The following NTN1 variants were observed in gnomAD, a reference collection of about 807,000 sequenced individuals.
NTN1 encodes the protein netrin 1, also known as netrin-1.
Under a neutral mutation model 54.2 loss-of-function variants are expected in NTN1, and 11 were observed. That is an observed-to-expected ratio of 0.20 (90% confidence interval 0.13 to 0.34). The LOEUF (loss-of-function observed/expected upper bound fraction) is 0.34. NTN1 is among the 10% of genes least tolerant of loss of function. NTN1 has a pLI of 1.00. For missense variants in NTN1, 740 were observed against 893.1 expected (o/e 0.83, Z 2.18); for synonymous variants, 371 against 382.0 (o/e 0.97, Z 0.33).
intron 3 of NTN1, among the ~76,000 whole-genome samples, chr17:9,167,710 A>C (rs549783077): frequency 6.6e-6 from 1 of 152,288 alleles, no homozygotes; most frequent in Non-Finnish European, 1.5e-5. Context: ...TCCACCCCTT[A>C]TTTCTTTCAG....
chr17:9,230,163 G>C (rs1905757593), intron 6 of NTN1, among the ~76,000 whole-genome samples: 1 of 152,184 alleles, frequency 6.6e-6, no homozygotes, highest in African/African-American at 2.4e-5. Context: ...AGCTGGACAG[G>C]TTATCAGCCC....
intron 5 of NTN1, among the ~76,000 whole-genome samples, chr17:9,210,960 G>A (rs1454604017): frequency 1.6e-5 from 2 of 123,782 alleles, no homozygotes; most frequent in African/African-American, 6.1e-5. Context: ...ACTATTTTTA[G>A]TGTTTCTTTC....
At chr17:9,235,129 A>T (rs1316478301) in intron 6 of NTN1, among the ~76,000 whole-genome samples, 2 of 151,562 alleles carry the variant, frequency 1.3e-5, no homozygotes. Flanking sequence ...TGCCTGGCTA[A>T]TTTTTTTGTA....
chr17:9,152,438 G>A (rs7225326), intron 2 of NTN1, among the ~76,000 whole-genome samples: 287 of 152,298 alleles, frequency 1.9e-3, no homozygotes, highest in African/African-American at 6.4e-3. Flanking sequence ...ACGCCCCTCT[G>A]ATGGTTCCCC....
At chr17:9,175,149 C>G (rs1329741196) in intron 3 of NTN1, 1 of 152,246 alleles carries the variant, frequency 6.6e-6, no homozygotes, top group Non-Finnish European at 1.5e-5. Flanking sequence ...AGTGTGTCTC[C>G]TCCCTGGCAG....
chr17:9,064,241 T>C (rs540016298), intron 2 of NTN1, among the ~76,000 whole-genome samples: 1 of 152,024 alleles, frequency 6.6e-6, no homozygotes, highest in Non-Finnish European at 1.5e-5. Context: ...ATCCACCCAC[T>C]TCCTGGCCAG....
At chr17:9,191,585 G>C (rs542528874) in intron 5 of NTN1, among the ~76,000 whole-genome samples, 1 of 152,024 alleles carries the variant, frequency 6.6e-6, no homozygotes, top group Non-Finnish European at 1.5e-5. Context: ...CAATAATAAA[G>C]AACTTTTACA....
chr17:9,011,529 C>A, the NTN1 span, among the ~76,000 whole-genome samples: 1 of 152,138 alleles, frequency 6.6e-6, no homozygotes, highest in Non-Finnish European at 1.5e-5. Flanking sequence ...CAGCAAAGAC[C>A]CTTTTACACC....
chr17:9,195,192 A>ACCGCCCCCC lies in NTN1; in HGVS notation c.1411+12225_1411+12226insGCCCCCCCC, dbSNP rs3031881. On this transcript the variant is annotated intron_variant, in intron 5 of 6. Coordinates refer to ENST00000173229, the MANE Select transcript of NTN1 (RefSeq NM_004822.3). Reference sequence around the variant, plus strand: ...GGGTGAACAGGGCCAGGCGAGCTCTACCACCCCTCCACCCCTCCACCCTGG... The same window carrying ACCGCCCCCC: ...GGGTGAACAGGGCCAGGCGAGCTCTACCGCCCCCCCCACCCCTCCACCCCTCCACCCTGG... 2.0e-3 allele frequency among the ~76,000 whole-genome samples: 281 copies of ACCGCCCCCC among 142,276 alleles called. 1 individual carries two copies. The highest frequency in any genetic ancestry group is 3.2e-3 in the Admixed American group (45 of 13,934). The allele number at this position is 142,276 out of a possible 152,430, so 93.3% of individuals were successfully genotyped here.
At chr17:9,203,111 T>C (rs372567870) in intron 5 of NTN1, among the ~76,000 whole-genome samples, 35 of 152,006 alleles carry the variant, frequency 2.3e-4, no homozygotes, top group South Asian at 2.1e-4. Flanking sequence ...TTACTAGAGA[T>C]GGGGTTTCAC....
chr17:9,123,525 A>G (rs2092237313), intron 2 of NTN1, among the ~76,000 whole-genome samples: 1 of 152,236 alleles, frequency 6.6e-6, no homozygotes, highest in African/African-American at 2.4e-5. Context: ...TACTTTCAGT[A>G]TCATACTTCA....
intron 2 of NTN1, among the ~76,000 whole-genome samples, chr17:9,134,373 C>T (rs376185819): frequency 6.6e-6 from 1 of 152,174 alleles, no homozygotes; most frequent in East Asian, 1.9e-4. Context: ...CTCTCTCCCC[C>T]CAGAGCACTC....
chr17:9,232,171 G>A (rs918663090), intron 6 of NTN1, among the ~76,000 whole-genome samples: 8 of 152,180 alleles, frequency 5.3e-5, no homozygotes, highest in South Asian at 2.1e-4. Context: ...TGTGGAATTC[G>A]GAGGCAGGAG....
intron 2 of NTN1, among the ~76,000 whole-genome samples, chr17:9,065,494 C>G (rs2058906741): frequency 6.6e-6 from 1 of 152,308 alleles, no homozygotes; most frequent in Non-Finnish European, 1.5e-5. Context: ...GAAGCACTGA[C>G]CCCACACACC....
chr17:9,043,777 A>G (rs1050278621), intron 2 of NTN1, among the ~76,000 whole-genome samples: 5 of 151,896 alleles, frequency 3.3e-5, no homozygotes, highest in African/African-American at 1.2e-4. Context: ...ACGGGGTTTC[A>G]CCATGTTGGT....
intron 2 of NTN1, among the ~76,000 whole-genome samples, chr17:9,092,306 T>G (rs1377597112): frequency 6.7e-6 from 1 of 149,748 alleles, no homozygotes; most frequent in African/African-American, 2.4e-5. Context: ...GAGGCCACAT[T>G]TTCTTTTCTT....
At chr17:9,031,665 C>T (rs72809934) in intron 2 of NTN1, among the ~76,000 whole-genome samples, 30,775 of 152,088 alleles carry the variant, frequency 0.2, 3,331 homozygotes, top group African/African-American at 0.25. Context: ...GTAAAGTAGA[C>T]CAGGTGCGGT....
intron 2 of NTN1, among the ~76,000 whole-genome samples, chr17:9,087,758 C>A (rs1422687780): frequency 6.6e-6 from 1 of 152,238 alleles, no homozygotes; most frequent in Non-Finnish European, 1.5e-5. Context: ...GAACCCTGGG[C>A]CTGTGCCGAT....
chr17:9,065,263 CCCTTGCTATAAACCCAGAGTGGCT>C (rs2092011485), intron 2 of NTN1, among the ~76,000 whole-genome samples: 1 of 152,050 alleles, frequency 6.6e-6, no homozygotes, highest in Admixed American at 6.6e-5. Flanking sequence ...AAAAGCAATA[CCCTTGCTATAAACCCAGAGTGGCT>C]CCGTCGGACG....
Sources: allele counts gnomAD v4.1 joint callset (sites outside exome capture counted in the v4.1 genomes callset), GRCh38; gene constraint gnomAD v4.1.1; transcripts MANE v1.5; gene names NCBI Gene and HGNC (gene_info 2026-07-23, HGNC 2026-07-21).